Variants in RUNX3 observed in about 807,000 individuals in gnomAD.
RUNX3 encodes the protein runt-related transcription factor 3.
A neutral mutation model predicts 27.7 loss-of-function variants in RUNX3; 10 were observed. That is an observed-to-expected ratio of 0.36 (90% CI 0.22 to 0.61). The LOEUF is 0.61. RUNX3 is among the 20% of genes least tolerant of loss of function. The pLI is 0.72. For synonymous variants in RUNX3, 270 were observed against 269.2 expected, an observed-to-expected ratio of 1.00 and a Z score of -0.03; for missense variants, 469 against 629.5, an observed-to-expected ratio of 0.75 and a Z score of 2.73.
At chr1:24,956,575 C>G (rs1191750030) in intron 2 of RUNX3, among the ~76,000 whole-genome samples, 1 of 152,140 alleles carries the variant, frequency 6.6e-6, no homozygotes, top group Non-Finnish European at 1.5e-5. Context: ...CTTTCTCCAC[C>G]CCCCCTGGAC....
At chr1:24,963,770 G>A (rs1162109368) in intron 2 of RUNX3, among the ~76,000 whole-genome samples, 1 of 152,110 alleles carries the variant, frequency 6.6e-6, no homozygotes, top group Non-Finnish European at 1.5e-5. Flanking sequence ...GTCTCCCCAT[G>A]AGTCCCAGCC....
At chr1:24,908,645 C>T (rs555985762) in intron 3 of RUNX3, among the ~76,000 whole-genome samples, 8 of 152,200 alleles carry the variant, frequency 5.3e-5, no homozygotes, top group South Asian at 2.1e-4. Context: ...GTCTGGGCAA[C>T]GGAACAAGGA....
intron 3 of RUNX3, among the ~76,000 whole-genome samples, chr1:24,909,603 C>T (rs1640758418): frequency 6.6e-6 from 1 of 152,244 alleles, no homozygotes; most frequent in African/African-American, 2.4e-5. Context: ...TGCTCTCCCT[C>T]TTTCCTGCTG....
chr1:24,956,503 T>C (rs1641929522), intron 2 of RUNX3, among the ~76,000 whole-genome samples: 1 of 152,178 alleles, frequency 6.6e-6, no homozygotes, highest in Admixed American at 6.5e-5. Flanking sequence ...AGCTGCTCTG[T>C]AGGAGATGTG....
At chr1:24,933,473 C>T (rs2124319031), upstream of RUNX3, among the ~76,000 whole-genome samples, 1 of 152,238 alleles carries the variant, frequency 6.6e-6, no homozygotes, top group South Asian at 2.1e-4. Context: ...TCTCTCTGGG[C>T]CTCACACTTC....
At chr1:24,903,931 G>A (rs950105853) in intron 4 of RUNX3, among the ~76,000 whole-genome samples, 2 of 152,248 alleles carry the variant, frequency 1.3e-5, no homozygotes, top group Middle Eastern at 3.4e-3. Flanking sequence ...AATTCACATC[G>A]AGTACTTAGA....
chr1:24,964,952 A>C, exon 1 of RUNX3: 1 of 301,630 alleles, frequency 3.3e-6, no homozygotes, highest in Non-Finnish European at 6.5e-6. Context: ...AGGGTGGAGG[A>C]GCTCCGAAGC....
Position 24,929,590 on chromosome 1 carries a change from G to C in RUNX3, c.279C>G (p.Phe93Leu). The change falls in exon 1 of 5, where the codon TTC becomes TTG. Residue 93 changes from phenylalanine to leucine, a missense_variant. Transcript: ENST00000308873. ...CCGCCCCGGGTCCCGCACTCACCTTGAAGGCGACGGGCAGCGTCTTGTTGC... is the reference window on the plus strand; with the variant it reads ...CCGCCCCGGGTCCCGCACTCACCTTCAAGGCGACGGGCAGCGTCTTGTTGC... The part of the protein sequence containing the change: ...WRCNKTLPVA[F>L]KVVALGDVPD... The C allele has an allele frequency of 6.2e-7, 1 of 1,605,906 alleles. No individual in the cohort carries two copies. Among genetic ancestry groups the C allele is most frequent in the Non-Finnish European group, 8.5e-7 (1 of 1,178,506 alleles).
intron 2 of RUNX3, among the ~76,000 whole-genome samples, chr1:24,949,340 GCGTCCAGGGCTGC>G (rs1296414327): frequency 2.0e-5 from 3 of 152,142 alleles, no homozygotes; most frequent in Non-Finnish European, 1.5e-5. Context: ...AAATCGTCCA[GCGTCCAGGGCTGC>G]ACTCCAGCCA....
intron 2 of RUNX3, among the ~76,000 whole-genome samples, chr1:24,957,830 C>T (rs1359774174): frequency 6.6e-6 from 1 of 152,208 alleles, no homozygotes; most frequent in Admixed American, 6.5e-5. Flanking sequence ...AGAGGTGAGG[C>T]ACCTCTCCCA....
Position 24,960,516 on chromosome 1 carries a change from C to A in RUNX3, c.58+3998G>T, listed in dbSNP as rs572524105. 9.9e-4 allele frequency among the ~76,000 whole-genome samples: 151 copies of A among 152,326 alleles called. 1 individual carries two copies. Among genetic ancestry groups the A allele is most frequent in the African/African-American group, 3.3e-3 (138 of 41,580 alleles). Reference sequence around the variant, plus strand: ...TAAACAGATGAACGCGTTTGCCCCCCCGCCGCCCCAGAGCCCCCTTAAAGC... The same window carrying A: ...TAAACAGATGAACGCGTTTGCCCCCACGCCGCCCCAGAGCCCCCTTAAAGC... On this transcript the variant is annotated intron_variant, in intron 2 of 6. Coordinates refer to the RUNX3 transcript ENST00000338888.
intron 2 of RUNX3, among the ~76,000 whole-genome samples, chr1:24,936,915 G>C (rs1380121081): frequency 6.6e-6 from 1 of 152,212 alleles, no homozygotes; most frequent in African/African-American, 2.4e-5. Flanking sequence ...AGCAATAAAA[G>C]CCACATGGCT....
chr1:24,929,745 C>A lies in RUNX3; in HGVS notation c.124G>T (p.Val42Leu), dbSNP rs763209861. 2.1e-5 allele frequency: 31 copies of A among 1,472,144 alleles called. No individual in the cohort carries two copies. Among genetic ancestry groups the A allele is most frequent in the African/African-American group, 8.9e-5 (6 of 67,664 alleles). The allele number at this position is 1,472,144 out of a possible 1,614,324, so 91.2% of individuals were successfully genotyped here. Residue 42 changes from valine (V) to leucine (L), a missense_variant, in exon 1 of 5, where the codon GTG (valine) becomes TTG (leucine). Val to Leu is a conservative substitution (Grantham distance 32). Transcript: ENST00000308873. ...NSGALSAQAA[V>L]GPGGRARPEV... Reference sequence around the variant, plus strand: ...GGCCGGGCGCGCCCTCCGGGCCCCACGGCCGCCTGCGCGCTCAGCGCGCCG... The same window carrying A: ...GGCCGGGCGCGCCCTCCGGGCCCCAAGGCCGCCTGCGCGCTCAGCGCGCCG...
intron 2 of RUNX3, among the ~76,000 whole-genome samples, chr1:24,951,032 C>T (rs945071668): frequency 6.6e-6 from 1 of 151,944 alleles, no homozygotes; most frequent in African/African-American, 2.4e-5. Context: ...ATGGGGAAAC[C>T]CTGTCTCTAC....
chr1:24,964,883 C>T (rs1224826956), exon 1 of RUNX3: 3 of 501,716 alleles, frequency 6.0e-6, no homozygotes, highest in Non-Finnish European at 1.0e-5. Flanking sequence ...GCCACAAATT[C>T]TCAACAGAAG....
intron 2 of RUNX3, among the ~76,000 whole-genome samples, chr1:24,951,582 G>A (rs1168886160): frequency 3.3e-5 from 5 of 152,300 alleles, no homozygotes; most frequent in South Asian, 2.1e-4. Flanking sequence ...CCCTTGAGTC[G>A]CTCCAGCCTC....
At chr1:24,961,043 C>T (rs1021165669) in intron 2 of RUNX3, among the ~76,000 whole-genome samples, 10 of 152,152 alleles carry the variant, frequency 6.6e-5, no homozygotes, top group South Asian at 4.1e-4. Context: ...CTCCTGCTCA[C>T]GCCTCTACTG....
At chr1:24,954,257 T>A (rs964392948) in intron 2 of RUNX3, among the ~76,000 whole-genome samples, 2 of 152,258 alleles carry the variant, frequency 1.3e-5, no homozygotes, top group Non-Finnish European at 2.9e-5. Context: ...ATTTCTTAGA[T>A]CCTTCAGGTG....
At chr1:24,938,098 C>G (rs1017296358) in intron 2 of RUNX3, among the ~76,000 whole-genome samples, 1 of 152,200 alleles carries the variant, frequency 6.6e-6, no homozygotes, top group Admixed American at 6.5e-5. Flanking sequence ...TGAACAGAGC[C>G]CATAGATTGC....
Sources: allele counts gnomAD v4.1 joint callset (sites outside exome capture counted in the v4.1 genomes callset), GRCh38; gene constraint gnomAD v4.1.1; transcripts MANE v1.5; gene names NCBI Gene and HGNC (gene_info 2026-07-23, HGNC 2026-07-21).